MACROD2: variants seen among roughly 807,000 people sequenced by gnomAD.
MACROD2 encodes the protein ADP-ribose glycohydrolase MACROD2.
A neutral mutation model predicts 70.4 loss-of-function variants in MACROD2; 36 were observed. The observed-to-expected ratio is 0.51, with a 90% CI of 0.39 to 0.68. MACROD2 has a LOEUF of 0.68. MACROD2 is among the 30% of genes least tolerant of loss of function. The pLI is 0.00. For synonymous variants in MACROD2, 172 were observed against 178.8 expected (o/e 0.96, Z 0.30); for missense variants, 496 against 538.4 (o/e 0.92, Z 0.78).
intron 8 of MACROD2, among the ~76,000 whole-genome samples, chr20:15,796,674 G>T (rs1015685772): frequency 7.9e-5 from 12 of 152,076 alleles, no homozygotes; most frequent in Admixed American, 7.9e-4. Flanking sequence ...CGGGCATTTG[G>T]CAAATGCTCA....
At chr20:15,161,908 G>T (rs974045797) in intron 5 of MACROD2, among the ~76,000 whole-genome samples, 4 of 151,974 alleles carry the variant, frequency 2.6e-5, no homozygotes, top group African/African-American at 9.7e-5. Context: ...CCTGCAGTTT[G>T]GAATTTAATC....
intron 5 of MACROD2, among the ~76,000 whole-genome samples, chr20:14,830,636 T>A (rs1353046201): frequency 6.6e-6 from 1 of 152,110 alleles, no homozygotes; most frequent in Non-Finnish European, 1.5e-5. Flanking sequence ...GAAACCATAT[T>A]CAAAATGTGA....
At chr20:14,555,112 G>A (rs1978939648) in intron 4 of MACROD2, among the ~76,000 whole-genome samples, 1 of 151,934 alleles carries the variant, frequency 6.6e-6, no homozygotes, top group South Asian at 2.1e-4. Flanking sequence ...CTACAAGAGT[G>A]TAATTGGGTT....
At chr20:14,393,222 T>A (rs2083546782) in intron 3 of MACROD2, among the ~76,000 whole-genome samples, 1 of 151,988 alleles carries the variant, frequency 6.6e-6, no homozygotes, top group African/African-American at 2.4e-5. Context: ...AGGTCAGGAG[T>A]TTAGAAAACT....
intron 5 of MACROD2, among the ~76,000 whole-genome samples, chr20:15,188,228 G>A (rs746887988): frequency 1.3e-4 from 20 of 152,234 alleles, no homozygotes; most frequent in East Asian, 9.6e-4. Context: ...CCTCAATTCC[G>A]TATCAAAGTT....
At chr20:14,918,621 T>TG (rs1320581944) in intron 5 of MACROD2, among the ~76,000 whole-genome samples, 2 of 151,448 alleles carry the variant, frequency 1.3e-5, no homozygotes, top group Admixed American at 1.3e-4. Flanking sequence ...TTTTTTGTTT[T>TG]TTTTTTTTTT....
intron 5 of MACROD2, among the ~76,000 whole-genome samples, chr20:15,078,434 G>C (rs1211513826): frequency 1.3e-5 from 2 of 152,162 alleles, no homozygotes; most frequent in African/African-American, 4.8e-5. Flanking sequence ...GGCACACACA[G>C]AAACTCAGGC....
intron 17 of MACROD2, among the ~76,000 whole-genome samples, chr20:16,046,675 CTT>C (rs557907668): frequency 0.018 from 1,539 of 85,350 alleles, no homozygotes; most frequent in Middle Eastern, 0.071. Context: ...GGTGTCAAAA[CTT>C]TTTTTTTTTT....
At chr20:15,577,873 A>G (rs1568905233) in intron 8 of MACROD2, among the ~76,000 whole-genome samples, 1 of 152,210 alleles carries the variant, frequency 6.6e-6, no homozygotes, top group Non-Finnish European at 1.5e-5. Context: ...GTTGATTGTG[A>G]ACCATCCTTC....
chr20:15,207,599 C>T (rs182832150), intron 5 of MACROD2, among the ~76,000 whole-genome samples: 257 of 151,850 alleles, frequency 1.7e-3, no homozygotes, highest in South Asian at 0.017. Context: ...TGTGCCACCA[C>T]GCCTGGCTAA....
chr20:14,011,835 A>G (rs973357595), intron 2 of MACROD2, among the ~76,000 whole-genome samples: 4 of 151,894 alleles, frequency 2.6e-5, no homozygotes, highest in Admixed American at 1.3e-4. Flanking sequence ...GGCCTCCCCT[A>G]TGATTTTCTT....
At chr20:15,800,339 T>A (rs1010351084) in intron 8 of MACROD2, among the ~76,000 whole-genome samples, 1 of 152,180 alleles carries the variant, frequency 6.6e-6, no homozygotes, top group African/African-American at 2.4e-5. Context: ...CTATGAAGTC[T>A]GAGCCACAAA....
intron 5 of MACROD2, among the ~76,000 whole-genome samples, chr20:14,721,347 A>G (rs755579632): frequency 4.6e-5 from 7 of 152,108 alleles, no homozygotes; most frequent in Admixed American, 4.6e-4. Flanking sequence ...TCAATTTGGC[A>G]TAATTATAAA....
At position 15,757,986 on chromosome 20, in the gene MACROD2, A is replaced by G. The variant is rs370392540; in HGVS notation, c.646-104759A>G. On this transcript the variant is annotated intron_variant, in intron 8 of 17. Coordinates refer to ENST00000684519, the MANE Select transcript of MACROD2 (RefSeq NM_001351661.2). ...CTTTGTATCTACTCCTTCCCAAACC[A>G]TGCCCACAAAAAGTCTCAAAATATT... 9.8e-5 allele frequency among the ~76,000 whole-genome samples: 15 copies of G among 152,322 alleles called. No individual in the cohort carries two copies. The East Asian group carries it at 2.7e-3, about 27-fold the overall frequency.
intron 5 of MACROD2, among the ~76,000 whole-genome samples, chr20:15,177,942 CT>C (rs1160389671): frequency 0.026 from 3,797 of 144,812 alleles, 134 homozygotes; most frequent in African/African-American, 0.083. Flanking sequence ...AAATGGCATG[CT>C]TTTTTTTTTT....
chr20:15,974,852 CAT>C (rs2066282115), intron 13 of MACROD2, among the ~76,000 whole-genome samples: 1 of 152,006 alleles, frequency 6.6e-6, no homozygotes, highest in Non-Finnish European at 1.5e-5. Flanking sequence ...GAAATGCAGG[CAT>C]ACACATATCT....
chr20:15,312,925 TATTA>T (rs2077768797), intron 6 of MACROD2, among the ~76,000 whole-genome samples: 1 of 152,330 alleles, frequency 6.6e-6, no homozygotes, highest in African/African-American at 2.4e-5. Flanking sequence ...TTATTCAAGA[TATTA>T]ATTTACTGAT....
intron 4 of MACROD2, among the ~76,000 whole-genome samples, 189 bp from the exon 5 acceptor site, chr20:14,684,654 C>A (rs111678195): frequency 0.12 from 18,102 of 147,238 alleles, 1,992 homozygotes; most frequent in South Asian, 0.29. Flanking sequence ...CCTCACCCCC[C>A]CCCCCCGGCC....
intron 5 of MACROD2, among the ~76,000 whole-genome samples, chr20:14,999,394 C>T (rs1218743848): frequency 1.3e-5 from 2 of 152,200 alleles, no homozygotes; most frequent in African/African-American, 4.8e-5. Flanking sequence ...TGCCATGACT[C>T]ACACCTGTAA....
Sources: allele counts gnomAD v4.1 joint callset (sites outside exome capture counted in the v4.1 genomes callset), GRCh38; gene constraint gnomAD v4.1.1; transcripts MANE v1.5; gene names NCBI Gene and HGNC (gene_info 2026-07-23, HGNC 2026-07-21).